The following PLXNA4 variants were observed in gnomAD, a reference collection of about 807,000 sequenced individuals.
PLXNA4 encodes the protein plexin-A4.
PLXNA4 carries 44 observed loss-of-function variants against 191.8 expected under a neutral mutation model. The observed-to-expected ratio is 0.23, with a 90% CI of 0.18 to 0.29. The LOEUF is 0.29. Among genes scored for constraint, PLXNA4 ranks in the 10% least tolerant of loss-of-function variants. The pLI is 1.00. For synonymous variants in PLXNA4, 1,082 were observed against 1,009.5 expected (o/e 1.07, Z -1.36); for missense variants, 1,800 against 2,488.8 (o/e 0.72, Z 5.89).
chr7:132,482,669 G>A (rs1585201492), intron 3 of PLXNA4, among the ~76,000 whole-genome samples: 1 of 151,372 alleles, frequency 6.6e-6, no homozygotes, highest in East Asian at 2.0e-4. Context: ...GAGAAGGTAT[G>A]GAGTGAGTGT....
intron 4 of PLXNA4, chr7:132,264,123 AAAAG>A (rs1447783616): frequency 1.3e-5 from 2 of 152,228 alleles, no homozygotes; most frequent in Non-Finnish European, 2.9e-5. Context: ...AACGTTATAA[AAAAG>A]AAAGAATGAA....
chr7:132,175,052 C>T, intron 20 of PLXNA4, 132 bp from the exon 21 acceptor site: 3 of 1,395,638 alleles, frequency 2.1e-6, no homozygotes, highest in Non-Finnish European at 1.9e-6. Context: ...GCGGGAATAA[C>T]TGGAGAGGCT....
chr7:132,145,603 AACACTC>A (rs1795396624), intron 28 of PLXNA4: 2 of 355,926 alleles, frequency 5.6e-6, no homozygotes, highest in African/African-American at 4.2e-5. Flanking sequence ...AATGCTAATG[AACACTC>A]ACTTGGTCAG....
At position 132,185,418 on chromosome 7, in the gene PLXNA4, C is replaced by T; in HGVS notation, c.3039G>A (p.Glu1013=). The change falls in exon 16 of 32, where the codon GAG becomes GAA. Residue 1013 remains glutamate (E), a synonymous_variant. Transcript: ENST00000321063. ...GCACCGACACCTTCATCTCTAGCAC[C>T]TCATCTGAGGATGTGGTGTTGCAGA... ...YIVCNTTSSD[E]VLEMKVSVQV... The T allele has an allele frequency of 6.2e-7, 1 of 1,614,084 alleles. No homozygotes were observed. Among genetic ancestry groups the T allele is most frequent in the Non-Finnish European group, 8.5e-7 (1 of 1,180,002 alleles).
intron 2 of PLXNA4, among the ~76,000 whole-genome samples, chr7:132,615,712 C>A (rs914968375): frequency 2.6e-5 from 4 of 152,176 alleles, no homozygotes; most frequent in African/African-American, 9.7e-5. Flanking sequence ...TGGGAGACCC[C>A]ATTTGAGCCA....
intron 2 of PLXNA4, among the ~76,000 whole-genome samples, chr7:132,493,908 C>T (rs1472705901): frequency 6.6e-6 from 1 of 152,180 alleles, no homozygotes; most frequent in African/African-American, 2.4e-5. Context: ...TCCTGTGTGA[C>T]CTTGAGAAAG....
upstream of PLXNA4, among the ~76,000 whole-genome samples, chr7:132,582,152 C>T (rs1011329467): frequency 1.3e-5 from 2 of 152,204 alleles, no homozygotes; most frequent in Admixed American, 6.5e-5. Context: ...ATACAATTCA[C>T]GTCTCCCACA....
chr7:132,208,555 C>T (rs1257681697), intron 10 of PLXNA4, among the ~76,000 whole-genome samples: 1 of 152,150 alleles, frequency 6.6e-6, no homozygotes, highest in African/African-American at 2.4e-5. Context: ...GGAGCTTCAA[C>T]ATCAGGTTCT....
chr7:132,401,526 G>A (rs556754876), intron 3 of PLXNA4, among the ~76,000 whole-genome samples: 3 of 152,344 alleles, frequency 2.0e-5, no homozygotes, highest in South Asian at 4.1e-4. Context: ...AATACTTGTG[G>A]AGCAAATCAG....
intron 21 of PLXNA4, among the ~76,000 whole-genome samples, chr7:132,172,020 G>C (rs891120300): frequency 1.3e-5 from 2 of 152,110 alleles, no homozygotes; most frequent in South Asian, 2.1e-4. Context: ...GCATCAGGGT[G>C]GTGTTTTGGG....
chr7:132,455,300 C>A (rs1585159575), intron 3 of PLXNA4, among the ~76,000 whole-genome samples: 2 of 152,100 alleles, frequency 1.3e-5, no homozygotes, highest in African/African-American at 2.4e-5. Context: ...ACAGGTTCAA[C>A]TTCAGGGGTG....
At chr7:132,173,140 T>C (rs1022756394) in intron 21 of PLXNA4, among the ~76,000 whole-genome samples, 1 of 152,310 alleles carries the variant, frequency 6.6e-6, no homozygotes, top group South Asian at 2.1e-4. Flanking sequence ...TCTTATCTTC[T>C]TGTCCCTCTT....
intron 5 of PLXNA4, among the ~76,000 whole-genome samples, chr7:132,231,174 G>A (rs61101706): frequency 0.024 from 3,607 of 152,164 alleles, 152 homozygotes; most frequent in African/African-American, 0.081. Flanking sequence ...TAACTTCTTG[G>A]TGCCTCAGCT....
At chr7:132,378,584 A>G (rs1410205975) in intron 3 of PLXNA4, among the ~76,000 whole-genome samples, 1 of 152,170 alleles carries the variant, frequency 6.6e-6, no homozygotes, top group Non-Finnish European at 1.5e-5. Context: ...CATTCCAAGA[A>G]GTTTCATGGA....
intron 4 of PLXNA4, among the ~76,000 whole-genome samples, chr7:132,255,033 A>C (rs985190003): frequency 1.3e-5 from 2 of 152,082 alleles, no homozygotes; most frequent in Admixed American, 1.3e-4. Flanking sequence ...CAGCCACCCT[A>C]TTTCTGTCCA....
intron 14 of PLXNA4, among the ~76,000 whole-genome samples, chr7:132,191,292 A>T (rs1797078896): frequency 6.6e-6 from 1 of 152,162 alleles, no homozygotes; most frequent in Non-Finnish European, 1.5e-5. Context: ...GGACATGGTG[A>T]TGGATTGATG....
intron 4 of PLXNA4, among the ~76,000 whole-genome samples, chr7:132,270,826 CA>C: frequency 6.6e-6 from 1 of 152,330 alleles, no homozygotes; most frequent in African/African-American, 2.4e-5. Flanking sequence ...AGTTGCTGCT[CA>C]ACCATCTATG....
At chr7:132,491,951 C>A (rs1039463332) in intron 2 of PLXNA4, among the ~76,000 whole-genome samples, 19 of 152,148 alleles carry the variant, frequency 1.2e-4, no homozygotes, top group Admixed American at 1.2e-3. Context: ...ACCATGGCAA[C>A]CTGCCAGGCC....
At chr7:132,325,169 T>C (rs1802310726) in intron 3 of PLXNA4, among the ~76,000 whole-genome samples, 2 of 152,212 alleles carry the variant, frequency 1.3e-5, no homozygotes, top group Admixed American at 1.3e-4. Context: ...GCTCAAATTT[T>C]ACCACCCAAC....
Sources: gnomAD v4.1 joint callset for allele counts (sites outside exome capture counted in the v4.1 genomes callset) on GRCh38, gnomAD v4.1.1 for gene constraint, MANE v1.5 for transcripts, NCBI Gene and HGNC (gene_info 2026-07-23, HGNC 2026-07-21) for gene names.